Variants in VEPH1 observed in about 807,000 individuals in gnomAD.
VEPH1 encodes ventricular zone expressed PH domain containing 1, also known as ventricular zone-expressed PH domain-containing protein homolog 1.
A neutral mutation model predicts 85.2 loss-of-function variants in VEPH1; 80 were observed. The ratio of observed to expected loss-of-function variants is 0.94; its 90% confidence interval spans 0.78 to 1.13. VEPH1 has a LOEUF of 1.13. Ranked by LOEUF, VEPH1 falls within the 50% of genes most tolerant of loss-of-function variation. The pLI, the probability that VEPH1 is intolerant of heterozygous loss-of-function variation, is 0.00. For synonymous variants in VEPH1, 297 were observed against 348.0 expected (o/e 0.85, Z 1.63); for missense variants, 955 against 980.5 (o/e 0.97, Z 0.35).
chr3:157,482,170 A>G (rs1331921339), intron 2 of VEPH1, among the ~76,000 whole-genome samples: 1 of 152,120 alleles, frequency 6.6e-6, no homozygotes, highest in East Asian at 1.9e-4. Flanking sequence ...TTTTGGTTAT[A>G]TATGAATTTT....
intron 11 of VEPH1, among the ~76,000 whole-genome samples, chr3:157,291,650 T>G (rs1717486370): frequency 6.6e-6 from 1 of 152,180 alleles, no homozygotes; most frequent in South Asian, 2.1e-4. Flanking sequence ...GTGTGAGGTG[T>G]GATTGTTACT....
intron 6 of VEPH1, among the ~76,000 whole-genome samples, chr3:157,412,036 G>T (rs1451268479): frequency 6.6e-6 from 1 of 152,120 alleles, no homozygotes; most frequent in African/African-American, 2.4e-5. Context: ...ATGAGATGTG[G>T]GGTAGCACCT....
chr3:157,483,560 A>G (rs1250641993), intron 2 of VEPH1, among the ~76,000 whole-genome samples: 1 of 152,146 alleles, frequency 6.6e-6, no homozygotes, highest in Non-Finnish European at 1.5e-5. Flanking sequence ...CACTTTTTTA[A>G]AAACCAGAAA....
intron 7 of VEPH1, among the ~76,000 whole-genome samples, chr3:157,368,555 G>A (rs938305383): frequency 6.6e-6 from 1 of 152,050 alleles, no homozygotes; most frequent in Non-Finnish European, 1.5e-5. Flanking sequence ...GCAGTGGAGT[G>A]ATCTTGGCTC....
At chr3:157,350,998 A>G (rs573332159) in intron 9 of VEPH1, among the ~76,000 whole-genome samples, 2 of 152,340 alleles carry the variant, frequency 1.3e-5, no homozygotes, top group East Asian at 1.9e-4. Context: ...ACCATATGAC[A>G]CAGCAATCCC....
chr3:157,433,565 T>C (rs559745259), intron 4 of VEPH1, among the ~76,000 whole-genome samples: 1 of 152,206 alleles, frequency 6.6e-6, no homozygotes, highest in Non-Finnish European at 1.5e-5. Flanking sequence ...AACTTGCTTA[T>C]GATATATTTT....
At chr3:157,481,483 A>C (rs1363705391) in intron 2 of VEPH1, among the ~76,000 whole-genome samples, 1 of 139,240 alleles carries the variant, frequency 7.2e-6, no homozygotes, top group Non-Finnish European at 1.5e-5. Flanking sequence ...AAAAAAAAAA[A>C]AAACAATCCT....
intron 11 of VEPH1, among the ~76,000 whole-genome samples, chr3:157,301,380 T>C (rs537780497): frequency 6.6e-6 from 1 of 152,276 alleles, no homozygotes; most frequent in South Asian, 2.1e-4. Flanking sequence ...TGTTTTGTTT[T>C]TTCCTGGGCC....
intron 6 of VEPH1, among the ~76,000 whole-genome samples, chr3:157,401,778 T>A (rs1476172088): frequency 6.6e-6 from 1 of 151,910 alleles, no homozygotes; most frequent in Admixed American, 6.6e-5. Flanking sequence ...CCTTGTGAAC[T>A]GCCTTAACTG....
At chr3:157,351,449 C>T (rs1359349193) in intron 9 of VEPH1, among the ~76,000 whole-genome samples, 2 of 152,080 alleles carry the variant, frequency 1.3e-5, no homozygotes, top group East Asian at 3.9e-4. Flanking sequence ...CCGCCTTGGC[C>T]TCCCAAAGTG....
At chr3:157,354,053 C>T (rs897449569) in intron 9 of VEPH1, among the ~76,000 whole-genome samples, 3 of 152,082 alleles carry the variant, frequency 2.0e-5, no homozygotes, top group African/African-American at 7.2e-5. Flanking sequence ...CCAAAGTAAA[C>T]CTCAGTGTAA....
intron 3 of VEPH1, among the ~76,000 whole-genome samples, chr3:157,466,213 TG>T (rs946733772): frequency 2.6e-5 from 4 of 151,120 alleles, no homozygotes; most frequent in Admixed American, 1.3e-4. Flanking sequence ...CAAAAAAAAG[TG>T]GGGGGGTGGG....
At chr3:157,427,336 T>C (rs1473927034) in intron 5 of VEPH1, among the ~76,000 whole-genome samples, 1 of 151,914 alleles carries the variant, frequency 6.6e-6, no homozygotes, top group Non-Finnish European at 1.5e-5. Context: ...GCCAGGCTGG[T>C]CTTGAACTCC....
intron 4 of VEPH1, chr3:157,437,827 C>T (rs1156830300): frequency 1.6e-5 from 24 of 1,468,434 alleles, no homozygotes; most frequent in Non-Finnish European, 2.0e-5. Flanking sequence ...GGGGCGCGCC[C>T]TGGCCGCGGT....
At position 157,391,071 on chromosome 3, in the gene VEPH1, G is replaced by A. The variant is rs185219638; in HGVS notation, c.907-9695C>T. Among the ~76,000 whole-genome samples the A allele has an allele frequency of 1.7e-3, 264 of 152,336 alleles. 6 individuals carry two copies. Among genetic ancestry groups the A allele is most frequent in the Admixed American group, 0.016 (251 of 15,298 alleles). On this transcript the variant is annotated intron_variant, in intron 6 of 13. Coordinates refer to ENST00000362010, the MANE Select transcript of VEPH1 (RefSeq NM_001167912.2). ...GCAGCTGGTGCACCTGGCTTGCTGCGGCCAGATCTTGTACTTTGTCACTCA... is the reference window on the plus strand; with the variant it reads ...GCAGCTGGTGCACCTGGCTTGCTGCAGCCAGATCTTGTACTTTGTCACTCA...
chr3:157,312,865 C>T (rs1294110052), intron 11 of VEPH1, among the ~76,000 whole-genome samples: 1 of 149,640 alleles, frequency 6.7e-6, no homozygotes, highest in African/African-American at 2.5e-5. Flanking sequence ...GAACTACAGG[C>T]ATGTGCTACT....
intron 9 of VEPH1, among the ~76,000 whole-genome samples, chr3:157,357,425 A>G (rs150958987): frequency 4.8e-4 from 73 of 152,316 alleles, no homozygotes; most frequent in South Asian, 4.6e-3. Context: ...TCTCATCTGT[A>G]GATAAATAAC....
chr3:157,474,889 A>C (rs2085762276), intron 2 of VEPH1, among the ~76,000 whole-genome samples: 1 of 152,056 alleles, frequency 6.6e-6, no homozygotes, highest in Non-Finnish European at 1.5e-5. Flanking sequence ...TAAACATCAA[A>C]ATGATTTGCT....
chr3:157,277,003 C>G (rs892625133), intron 12 of VEPH1, among the ~76,000 whole-genome samples: 1 of 151,784 alleles, frequency 6.6e-6, no homozygotes, highest in Non-Finnish European at 1.5e-5. Context: ...AAATGATTCT[C>G]TCATCTCAGC....
Sources: allele counts gnomAD v4.1 joint callset (sites outside exome capture counted in the v4.1 genomes callset), GRCh38; gene constraint gnomAD v4.1.1; transcripts MANE v1.5; gene names NCBI Gene and HGNC (gene_info 2026-07-23, HGNC 2026-07-21).